The following SSH2 variants were observed in gnomAD, a reference collection of about 807,000 sequenced individuals.
SSH2 encodes the protein slingshot protein phosphatase 2, also known as protein phosphatase Slingshot homolog 2.
In SSH2, 37 loss-of-function variants were observed where a neutral mutation model predicts 135.2. That is an observed-to-expected ratio of 0.27 (90% CI 0.21 to 0.36). The LOEUF is 0.36. Ranked by LOEUF, SSH2 falls within the 10% of genes least tolerant of loss-of-function variation. The probability of loss-of-function intolerance (pLI) is 1.00; values close to 1 mark genes in which losing one functional copy is unlikely to be tolerated. For synonymous variants in SSH2, 628 were observed against 646.2 expected (o/e 0.97, Z 0.43); for missense variants, 1,408 against 1,765.3 (o/e 0.80, Z 3.63).
intron 12 of SSH2, among the ~76,000 whole-genome samples, chr17:29,653,168 A>G (rs1223301354): frequency 6.6e-6 from 1 of 152,156 alleles, no homozygotes; most frequent in East Asian, 1.9e-4. Context: ...GTAACATTTT[A>G]CTTTGGGTAA....
At chr17:29,911,407 C>A (rs1337292465) in intron 1 of SSH2, among the ~76,000 whole-genome samples, 2 of 152,134 alleles carry the variant, frequency 1.3e-5, no homozygotes, top group Non-Finnish European at 2.9e-5. Context: ...CCTATATGCT[C>A]ACTTTAGAAT....
chr17:29,749,130 G>A (rs2040850163), intron 3 of SSH2, among the ~76,000 whole-genome samples: 2 of 152,174 alleles, frequency 1.3e-5, no homozygotes, highest in Non-Finnish European at 2.9e-5. Context: ...CTTGATAAAT[G>A]ATCTGTGCCA....
At position 29,915,454 on chromosome 17, in the gene SSH2, T is replaced by TA. The variant is rs551761312; in HGVS notation, c.63+14483dup. Among the ~76,000 whole-genome samples the TA allele has an allele frequency of 3.4e-4, 51 of 152,174 alleles. 1 individual carries two copies. In the South Asian group the frequency reaches 0.01, roughly 31 times the overall value. On this transcript the variant is annotated intron_variant, in intron 1 of 15. Coordinates refer to ENST00000540801, the MANE Select transcript of SSH2 (RefSeq NM_001282129.2). ...TCAGTGTCTTTGGATCTCCATATTT[T>TA]AAAAAAAATCTGGCAATTTCTATTT...
At chr17:29,849,341 T>TAAAAAA (rs1221936610) in intron 1 of SSH2, among the ~76,000 whole-genome samples, 1 of 151,952 alleles carries the variant, frequency 6.6e-6, no homozygotes, top group African/African-American at 2.4e-5. Flanking sequence ...TAGCCGGGTG[T>TAAAAAA]GGTGGCCGGT....
intron 2 of SSH2, among the ~76,000 whole-genome samples, chr17:29,848,118 G>A (rs1237227771): frequency 1.3e-5 from 2 of 152,176 alleles, no homozygotes; most frequent in Non-Finnish European, 2.9e-5. Flanking sequence ...CAGTTTGGGG[G>A]ATTATCTGTC....
chr17:29,861,620 G>A (rs2065766083), intron 1 of SSH2, among the ~76,000 whole-genome samples: 1 of 151,826 alleles, frequency 6.6e-6, no homozygotes, highest in African/African-American at 2.4e-5. Flanking sequence ...CTAGAGTGCA[G>A]TGGTGCGATC....
At chr17:29,781,473 CT>C (rs541361010) in intron 3 of SSH2, among the ~76,000 whole-genome samples, 7,789 of 81,888 alleles carry the variant, frequency 0.095, 318 homozygotes, top group African/African-American at 0.28. Flanking sequence ...CCTGTGTTTT[CT>C]TTTTTTTTTT....
At chr17:29,832,425 T>A (rs768763635) in intron 2 of SSH2, among the ~76,000 whole-genome samples, 1 of 151,906 alleles carries the variant, frequency 6.6e-6, no homozygotes, top group Non-Finnish European at 1.5e-5. Flanking sequence ...AGCCTGGCCC[T>A]GTTTTTCCTT....
rs750791012 is a variant in SSH2, at chr17:29,693,426, C to T, written c.357+2033G>A. On this transcript the variant is annotated intron_variant, in intron 5 of 15. Coordinates refer to ENST00000540801, the MANE Select transcript of SSH2 (RefSeq NM_001282129.2). Reference sequence around the variant, plus strand: ...TCTTGGGTTCAAGTGATTCTCCTGCCTCAGCCTCCTGAGTAGCTGGGACTA... The same window carrying T: ...TCTTGGGTTCAAGTGATTCTCCTGCTTCAGCCTCCTGAGTAGCTGGGACTA... Among the ~76,000 whole-genome samples, 126 of 152,190 alleles carry T rather than the reference C, an allele frequency of 8.3e-4. 1 individual carries two copies. Among genetic ancestry groups the T allele is most frequent in the Admixed American group, 3.0e-3 (46 of 15,286 alleles).
intron 3 of SSH2, among the ~76,000 whole-genome samples, chr17:29,704,068 G>A (rs1329154038): frequency 3.3e-5 from 5 of 152,202 alleles, no homozygotes; most frequent in Non-Finnish European, 7.3e-5. Context: ...GCTTCTTAAA[G>A]TGGTGCCTAG....
chr17:29,926,476 C>T (rs900461356), intron 1 of SSH2, among the ~76,000 whole-genome samples: 2 of 151,838 alleles, frequency 1.3e-5, no homozygotes, highest in African/African-American at 4.8e-5. Context: ...ATCACTTGAG[C>T]CCAAGAGGTG....
chr17:29,733,577 T>C (rs1207797652), intron 3 of SSH2, among the ~76,000 whole-genome samples: 1 of 152,234 alleles, frequency 6.6e-6, no homozygotes, highest in African/African-American at 2.4e-5. Flanking sequence ...CAGTTAGTGC[T>C]ATAAAGGTAA....
At chr17:29,900,030 G>T (rs1184875893) in intron 1 of SSH2, among the ~76,000 whole-genome samples, 12 of 152,126 alleles carry the variant, frequency 7.9e-5, no homozygotes, top group Admixed American at 7.9e-4. Flanking sequence ...AAGCAATGGG[G>T]AAAGGATTCC....
Position 29,798,167 on chromosome 17 carries a change from T to C in SSH2, c.145-4230A>G, listed in dbSNP as rs372918415. 1.2e-4 allele frequency among the ~76,000 whole-genome samples: 18 copies of C among 152,248 alleles called. No homozygotes were observed. In the East Asian group the frequency reaches 2.5e-3, roughly 21 times the overall value. On this transcript the variant is annotated intron_variant, in intron 2 of 15. Transcript: ENST00000540801. ...GCCTACCCTCTAGTCATGAACATAT[T>C]CTATCATTTTTTCTTTCTTTCTTTT...
chr17:29,794,841 C>T (rs894999486), intron 2 of SSH2, among the ~76,000 whole-genome samples: 8 of 152,080 alleles, frequency 5.3e-5, no homozygotes, highest in Non-Finnish European at 1.2e-4. Flanking sequence ...CTCTCCTTGC[C>T]CTGGGTTAAA....
chr17:29,683,266 G>T (rs919641752), intron 6 of SSH2, among the ~76,000 whole-genome samples: 3 of 152,090 alleles, frequency 2.0e-5, no homozygotes, highest in African/African-American at 4.8e-5. Flanking sequence ...ACATTCCAAA[G>T]TCTTCCGAAG....
chr17:29,927,308 C>T (rs2151493170), intron 1 of SSH2, among the ~76,000 whole-genome samples: 1 of 152,128 alleles, frequency 6.6e-6, no homozygotes, highest in South Asian at 2.1e-4. Flanking sequence ...GTTTGTTCTT[C>T]CTCCAATGCC....
intron 11 of SSH2, among the ~76,000 whole-genome samples, chr17:29,657,120 C>T (rs528343246): frequency 6.6e-6 from 1 of 152,160 alleles, no homozygotes; most frequent in Non-Finnish European, 1.5e-5. Flanking sequence ...GCATGCATCA[C>T]CATGCCCAGC....
chr17:29,739,472 C>T (rs561501616), intron 3 of SSH2, among the ~76,000 whole-genome samples: 3 of 152,278 alleles, frequency 2.0e-5, no homozygotes, highest in Admixed American at 2.0e-4. Flanking sequence ...AGCTTAGTCT[C>T]TCAATGATTC....
Sources: gnomAD v4.1 joint callset for allele counts (sites outside exome capture counted in the v4.1 genomes callset) on GRCh38, gnomAD v4.1.1 for gene constraint, MANE v1.5 for transcripts, NCBI Gene and HGNC (gene_info 2026-07-23, HGNC 2026-07-21) for gene names.